Variants in IL1RAPL2 observed in about 807,000 individuals in gnomAD.
IL1RAPL2 encodes interleukin 1 receptor accessory protein like 2, also known as X-linked interleukin-1 receptor accessory protein-like 2.
In IL1RAPL2, 3 loss-of-function variants were observed where a neutral mutation model predicts 44.1. The observed-to-expected ratio is 0.07, with a 90% CI of 0.03 to 0.18. The LOEUF (loss-of-function observed/expected upper bound fraction) is 0.18. IL1RAPL2 is among the 10% of genes least tolerant of loss of function. The pLI is 1.00. For synonymous variants in IL1RAPL2, 181 were observed against 178.8 expected (o/e 1.01, Z -0.10); for missense variants, 391 against 496.4 (o/e 0.79, Z 2.02).
intron 2 of IL1RAPL2, among the ~76,000 whole-genome samples, chrX:104,672,667 G>C (rs1346859948): frequency 1.2e-4 from 12 of 102,549 alleles, no homozygotes; most frequent in Middle Eastern, 4.9e-3. Flanking sequence ...CTGAGGAATC[G>C]CCACACTGAC....
intron 2 of IL1RAPL2, among the ~76,000 whole-genome samples, chrX:104,921,974 C>G (rs1031609789): frequency 2.7e-5 from 3 of 112,316 alleles, no homozygotes; most frequent in South Asian, 3.7e-4. Flanking sequence ...CTCTGTGGCA[C>G]AGGAGAGGCG....
chrX:104,681,092 A>G (rs1435619076), intron 2 of IL1RAPL2, among the ~76,000 whole-genome samples: 2 of 111,746 alleles, frequency 1.8e-5, no homozygotes, highest in South Asian at 3.7e-4. Context: ...ATCCAATTCA[A>G]TTTTACTAAC....
At chrX:105,387,302 T>C (rs1409534861) in intron 5 of IL1RAPL2, among the ~76,000 whole-genome samples, 2 of 105,893 alleles carry the variant, frequency 1.9e-5, no homozygotes, top group East Asian at 6.0e-4. Context: ...TGGTGCAATC[T>C]CGACTCACTG....
chrX:104,717,435 A>G (rs1931590806), intron 2 of IL1RAPL2, among the ~76,000 whole-genome samples: 2 of 101,070 alleles, frequency 2.0e-5, no homozygotes, highest in Non-Finnish European at 2.0e-5. Context: ...GTACCCCTGA[A>G]CTTAAAAGTT....
At chrX:105,699,803 T>C (rs1164684009) in intron 6 of IL1RAPL2, among the ~76,000 whole-genome samples, 15 of 111,695 alleles carry the variant, frequency 1.3e-4, no homozygotes. Flanking sequence ...TAAAACTTGC[T>C]GTGCCTTTTT....
chrX:105,614,823 C>T (rs2037361460), intron 6 of IL1RAPL2, among the ~76,000 whole-genome samples: 1 of 111,094 alleles, frequency 9.0e-6, no homozygotes, highest in Non-Finnish European at 1.9e-5. Flanking sequence ...CAAAAATGGA[C>T]AAATGGTATC....
chrX:105,152,683 T>A (rs769540819), intron 2 of IL1RAPL2, among the ~76,000 whole-genome samples: 1 of 112,343 alleles, frequency 8.9e-6, no homozygotes, highest in Non-Finnish European at 1.9e-5. Flanking sequence ...TTAACAATAT[T>A]AAGTGGTGGG....
At chrX:105,096,103 T>C (rs1313009026) in intron 2 of IL1RAPL2, among the ~76,000 whole-genome samples, 3 of 111,800 alleles carry the variant, frequency 2.7e-5, no homozygotes, top group Non-Finnish European at 5.6e-5. Context: ...AGATCATCAG[T>C]CATTAGGGAA....
At chrX:105,266,590 C>G (rs2034404798) in intron 4 of IL1RAPL2, among the ~76,000 whole-genome samples, 1 of 111,732 alleles carries the variant, frequency 8.9e-6, no homozygotes, top group African/African-American at 3.3e-5. Flanking sequence ...ATTAAACATT[C>G]CTTTCTAGAG....
chrX:105,585,563 T>C (rs752868197), intron 6 of IL1RAPL2, among the ~76,000 whole-genome samples: 4 of 111,026 alleles, frequency 3.6e-5, no homozygotes, highest in South Asian at 3.8e-4. Context: ...CCCCTCCCTG[T>C]GTCCATGTGT....
chrX:104,726,427 GT>G (rs1487093315), intron 2 of IL1RAPL2, among the ~76,000 whole-genome samples: 1 of 111,597 alleles, frequency 9.0e-6, no homozygotes, highest in East Asian at 2.8e-4. Flanking sequence ...GAAAGTCAGT[GT>G]TAGCTTGATG....
intron 2 of IL1RAPL2, among the ~76,000 whole-genome samples, chrX:104,917,193 T>A (rs1035040270): frequency 9.9e-4 from 111 of 111,654 alleles, no homozygotes; most frequent in Middle Eastern, 9.3e-3. Context: ...TGAATCCATC[T>A]GGTCCTGGAC....
At chrX:105,721,409 T>C (rs2038303363) in intron 7 of IL1RAPL2, among the ~76,000 whole-genome samples, 1 of 94,371 alleles carries the variant, frequency 1.1e-5, no homozygotes, top group South Asian at 5.1e-4. Flanking sequence ...AGAGTGAAAC[T>C]CCATCTCAAA....
intron 2 of IL1RAPL2, among the ~76,000 whole-genome samples, chrX:104,834,073 A>G (rs1158861091): frequency 9.0e-6 from 1 of 111,681 alleles, no homozygotes; most frequent in East Asian, 2.8e-4. Flanking sequence ...CAAAGTCACT[A>G]TCTCTGGAAC....
At chrX:105,233,598 G>C (rs1285261317) in intron 3 of IL1RAPL2, among the ~76,000 whole-genome samples, 1 of 112,046 alleles carries the variant, frequency 8.9e-6, no homozygotes, top group African/African-American at 3.2e-5. Context: ...TCTCTATGTA[G>C]CTCTGTGGCT....
chrX:105,243,696 C>G (rs1317773027), intron 4 of IL1RAPL2, among the ~76,000 whole-genome samples: 1 of 107,557 alleles, frequency 9.3e-6, no homozygotes, highest in Non-Finnish European at 1.9e-5. Context: ...AACATAGCTA[C>G]TGTTTCTTAG....
intron 2 of IL1RAPL2, among the ~76,000 whole-genome samples, chrX:104,915,710 T>C (rs1208503728): frequency 2.7e-5 from 3 of 111,741 alleles, no homozygotes; most frequent in African/African-American, 9.8e-5. Flanking sequence ...AGGTCTCACG[T>C]TTAAGTGTTT....
rs782581216 is a variant in IL1RAPL2, at chrX:105,179,839, G to A, written c.83-15636G>A. ...ATGCTAAATTTTGCACACCGATTGC[G>A]TAACCTGTAACTTTACTGGATTAAT... On this transcript the variant is annotated intron_variant, in intron 2 of 10. Coordinates refer to ENST00000372582, the MANE Select transcript of IL1RAPL2 (RefSeq NM_017416.2). 1.5e-4 allele frequency among the ~76,000 whole-genome samples: 16 copies of A among 108,286 alleles called. No individual in the cohort carries two copies. In the South Asian group the frequency reaches 1.6e-3, roughly 11 times the overall value. The allele number at this position is 108,286 out of a possible 115,157, so 94.0% of individuals were successfully genotyped here.
chrX:104,923,941 C>G (rs1462540187), intron 2 of IL1RAPL2, among the ~76,000 whole-genome samples: 1 of 108,815 alleles, frequency 9.2e-6, no homozygotes, highest in East Asian at 2.9e-4. Context: ...CACCTACATG[C>G]TCAAAGTAAA....
Sources: allele counts gnomAD v4.1 joint callset (sites outside exome capture counted in the v4.1 genomes callset), GRCh38; gene constraint gnomAD v4.1.1; transcripts MANE v1.5; gene names NCBI Gene and HGNC (gene_info 2026-07-23, HGNC 2026-07-21).